GALNT18: variants seen among roughly 807,000 people sequenced by gnomAD.
GALNT18 encodes polypeptide N-acetylgalactosaminyltransferase 18.
A neutral mutation model predicts 69.5 loss-of-function variants in GALNT18; 44 were observed. That is an observed-to-expected ratio of 0.63 (90% confidence interval 0.50 to 0.81). GALNT18 has a LOEUF of 0.81. Among genes scored for constraint, GALNT18 ranks in the 40% least tolerant of loss-of-function variants. GALNT18 has a pLI of 0.00. For synonymous variants in GALNT18, 364 were observed against 318.2 expected, an observed-to-expected ratio of 1.14 and a Z score of -1.53; for missense variants, 715 against 810.0, an observed-to-expected ratio of 0.88 and a Z score of 1.42.
chr11:11,298,728 C>A (rs4262718), intron 9 of GALNT18, among the ~76,000 whole-genome samples: 69,891 of 151,678 alleles, frequency 0.46, 16,901 homozygotes, highest in Middle Eastern at 0.57. Context: ...CCAGCCCCAT[C>A]ACAGCAGGTC....
chr11:11,520,956 G>A (rs1857384587), intron 1 of GALNT18, among the ~76,000 whole-genome samples: 1 of 152,106 alleles, frequency 6.6e-6, no homozygotes. Context: ...GTCCACCGTA[G>A]GGAGCCTTAG....
At chr11:11,438,373 T>A (rs776020206) in intron 2 of GALNT18, among the ~76,000 whole-genome samples, 27 of 152,230 alleles carry the variant, frequency 1.8e-4, no homozygotes, top group Non-Finnish European at 1.5e-4. Context: ...GCTAAGAGAC[T>A]GCAGGGTGTT....
chr11:11,281,146 C>G (rs1445458113), intron 10 of GALNT18, among the ~76,000 whole-genome samples: 2 of 152,198 alleles, frequency 1.3e-5, no homozygotes, highest in African/African-American at 4.8e-5. Flanking sequence ...GGACCAAAAC[C>G]AGCCCCGCTC....
rs972047087 is a variant in GALNT18 at position 11,603,510 on chromosome 11, C to T, written c.235+17849G>A. 2.0e-5 allele frequency among the ~76,000 whole-genome samples: 3 copies of T among 152,180 alleles called. No individual in the cohort carries two copies. Among genetic ancestry groups the T allele is most frequent in the African/African-American group, 7.2e-5 (3 of 41,446 alleles). ...CAGTTTTGAAATGATACACAGCACC[C>T]ACCCCCTCAACCATCAGAGCAACAT... On this transcript the variant is annotated intron_variant, in intron 1 of 10. Transcript: ENST00000227756. This position sits in a 1 kb window ranked among gnomAD's most constrained non-coding sequence, Gnocchi z 4.5.
chr11:11,360,655 G>A (rs1166894552), intron 6 of GALNT18, among the ~76,000 whole-genome samples: 1 of 151,832 alleles, frequency 6.6e-6, no homozygotes, highest in African/African-American at 2.4e-5. Context: ...CCATCACAGG[G>A]TTTTTCTTGG....
In GALNT18 at chr11:11,314,163, T is replaced by G. The variant is rs1483034865; in HGVS notation, c.1512+12923A>C. Among the ~76,000 whole-genome samples, 1 of 152,164 alleles carries G rather than the reference T, an allele frequency of 6.6e-6. No individual in the cohort carries two copies. The highest frequency in any genetic ancestry group is 1.5e-5 in the Non-Finnish European group (1 of 68,022). Reference sequence around the variant, plus strand: ...GCCAGAGAGGCCTGGGAAGCAAGACTGTCCAAAGAACGGTGGGTGGAGGGC... The same window carrying G: ...GCCAGAGAGGCCTGGGAAGCAAGACGGTCCAAAGAACGGTGGGTGGAGGGC... On this transcript the variant is annotated intron_variant, in intron 9 of 10. Coordinates refer to ENST00000227756, the MANE Select transcript of GALNT18 (RefSeq NM_198516.3). The surrounding 1 kb of genome is among the most constrained non-coding windows in gnomAD (Gnocchi z 5.2).
Position 11,383,558 on chromosome 11 carries a change from G to T in GALNT18, c.596-4294C>A, listed in dbSNP as rs941698008. ...GTCCTCACCTCTCCCTCAAGGTTCA[G>T]ATGAGCATTTCCCACATCTTCTCTA... is the stretch of plus-strand genomic sequence containing the variant. On this transcript the variant is annotated intron_variant, in intron 3 of 10. Transcript: ENST00000227756. This position sits in a 1 kb window ranked among gnomAD's most constrained non-coding sequence, Gnocchi z 5.2. 1.3e-5 allele frequency among the ~76,000 whole-genome samples: 2 copies of T among 152,204 alleles called. No homozygotes were observed. Among genetic ancestry groups the T allele is most frequent in the African/African-American group, 4.8e-5 (2 of 41,466 alleles).
At position 11,541,889 on chromosome 11, in the gene GALNT18, T is replaced by C. The variant is rs1448707134; in HGVS notation, c.235+79470A>G. Among the ~76,000 whole-genome samples, 3 of 152,038 alleles carry C rather than the reference T, an allele frequency of 2.0e-5. No homozygotes were observed. The highest frequency in any genetic ancestry group is 4.4e-5 in the Non-Finnish European group (3 of 68,004). On this transcript the variant is annotated intron_variant, in intron 1 of 10. Coordinates refer to ENST00000227756, the MANE Select transcript of GALNT18 (RefSeq NM_198516.3). This position sits in a 1 kb window ranked among gnomAD's most constrained non-coding sequence, Gnocchi z 4.8. The stretch of plus-strand genomic sequence containing the variant: ...CAGCCTGGCCACCCTTCCAGAGAGC[T>C]GTCCTGACACACCTCGCTGGCCACA...
chr11:11,317,883 A>G (rs553131294), intron 9 of GALNT18, among the ~76,000 whole-genome samples: 5 of 152,378 alleles, frequency 3.3e-5, no homozygotes, highest in African/African-American at 1.2e-4. Context: ...AGAAACTGGA[A>G]GTCAAAATAC....
chr11:11,417,403 G>A (rs752113043), intron 3 of GALNT18, among the ~76,000 whole-genome samples: 1 of 152,032 alleles, frequency 6.6e-6, no homozygotes, highest in Non-Finnish European at 1.5e-5. Context: ...GTTTTCAACA[G>A]GGATGCCTGA....
At chr11:11,367,827 T>A (rs1375288272) in intron 6 of GALNT18, among the ~76,000 whole-genome samples, 1 of 152,238 alleles carries the variant, frequency 6.6e-6, no homozygotes, top group Non-Finnish European at 1.5e-5. Context: ...TCCATAGAAA[T>A]CTTTGCATAC....
At chr11:11,353,059 G>A (rs755996286) in intron 6 of GALNT18, 31 of 1,613,894 alleles carry the variant, frequency 1.9e-5, no homozygotes, top group Non-Finnish European at 2.5e-5. Context: ...CAGTATTCTC[G>A]AGGTCTGTGT....
rs545442274 is a variant in GALNT18, at chr11:11,554,166, C to T, written c.235+67193G>A. ...GCTCAGCAGACCAGTTAGTACCAAG[C>T]ACCCATGCACCTGTGAGGACAGCAA... On this transcript the variant is annotated intron_variant, in intron 1 of 10. Coordinates refer to ENST00000227756, the MANE Select transcript of GALNT18 (RefSeq NM_198516.3). Among the ~76,000 whole-genome samples the T allele has an allele frequency of 5.3e-5, 8 of 152,336 alleles. No individual in the cohort carries two copies. In the East Asian group the frequency reaches 5.8e-4, roughly 11 times the overall value.
At chr11:11,306,178 A>C (rs533051338) in intron 9 of GALNT18, among the ~76,000 whole-genome samples, 1 of 145,606 alleles carries the variant, frequency 6.9e-6, no homozygotes, top group East Asian at 2.0e-4. Context: ...AGAGCTTAGA[A>C]TATTCCCAGT....
At chr11:11,278,793 AC>A (rs1443398276) in intron 10 of GALNT18, among the ~76,000 whole-genome samples, 1 of 152,188 alleles carries the variant, frequency 6.6e-6, no homozygotes, top group African/African-American at 2.4e-5. Context: ...TAGTAATGCA[AC>A]AGGGTAACTA....
In GALNT18 at chr11:11,271,090, T is replaced by C; in HGVS notation, c.*54A>G. The C allele has an allele frequency of 6.5e-7, 1 of 1,548,920 alleles. No homozygotes were observed. Among genetic ancestry groups the C allele is most frequent in the Non-Finnish European group, 8.8e-7 (1 of 1,134,688 alleles). ...AACCCCACGTGGACAGCAGGCAACG[T>C]TGCAGCAGGTGCTACACAGTAGCAA... On this transcript the variant is annotated 3_prime_UTR_variant, in exon 11 of 11. Coordinates refer to ENST00000227756, the MANE Select transcript of GALNT18 (RefSeq NM_198516.3).
chr11:11,430,108 G>A lies in GALNT18; in HGVS notation c.595+2513C>T, dbSNP rs1284923512. On this transcript the variant is annotated intron_variant, in intron 3 of 10. Transcript: ENST00000227756. The surrounding 1 kb of genome is among the most constrained non-coding windows in gnomAD (Gnocchi z 4.9). The stretch of plus-strand genomic sequence containing the variant: ...ATCGTGCCACTGCATTCCAGCCTGG[G>A]CAACAGAGCAAGACCCTGTCTCAAA... 6.6e-6 allele frequency among the ~76,000 whole-genome samples: 1 copy of A among 151,980 alleles called. No individual in the cohort carries two copies. Among genetic ancestry groups the A allele is most frequent in the Non-Finnish European group, 1.5e-5 (1 of 68,014 alleles).
chr11:11,378,790 AC>A (rs1260072259), intron 4 of GALNT18, among the ~76,000 whole-genome samples: 3 of 151,928 alleles, frequency 2.0e-5, no homozygotes, highest in African/African-American at 7.3e-5. Flanking sequence ...CTTGGCATGT[AC>A]CCTTCTCCCT....
intron 1 of GALNT18, among the ~76,000 whole-genome samples, chr11:11,509,179 C>T (rs2133910630): frequency 6.6e-6 from 1 of 152,240 alleles, no homozygotes; most frequent in South Asian, 2.1e-4. Flanking sequence ...AAAGCTTCCT[C>T]CTTTTCTGAC....
Sources: gnomAD v4.1 joint callset for allele counts (sites outside exome capture counted in the v4.1 genomes callset) on GRCh38, gnomAD v4.1.1 for gene constraint, Gnocchi (gnomAD v3.1) non-coding constraint, MANE v1.5 for transcripts, NCBI Gene and HGNC (gene_info 2026-07-23, HGNC 2026-07-21) for gene names.